Variants in RGS12 observed in about 807,000 individuals in gnomAD.
RGS12 encodes the protein regulator of G-protein signaling 12.
RGS12 carries 66 observed loss-of-function variants against 120.1 expected under a neutral mutation model. The ratio of observed to expected loss-of-function variants is 0.55; its 90% CI spans 0.45 to 0.67. The LOEUF (loss-of-function observed/expected upper bound fraction) is 0.67. Among genes scored for constraint, RGS12 ranks in the 30% least tolerant of loss-of-function variants. RGS12 has a pLI of 0.00. For missense variants in RGS12, 1,859 were observed against 1,957.7 expected, an observed-to-expected ratio of 0.95 and a Z score of 0.95; for synonymous variants, 827 against 804.7, an observed-to-expected ratio of 1.03 and a Z score of -0.47.
Position 3,428,653 on chromosome 4 carries a change from A to C in RGS12, c.3507A>C (p.Glu1169Asp), listed in dbSNP as rs1298503689. The C allele has an allele frequency of 4.4e-6, 7 of 1,603,052 alleles. No individual in the cohort carries two copies. The African/African-American group carries it at 9.4e-5, about 22-fold the overall frequency. ...ATCCCCGGCTTTCAAAGAGAGAAGA[A>C]TCTATTGCAAAGATTGGGAAAAAAA... is the stretch of plus-strand genomic sequence containing the variant. ...ARDPRLSKREESIAKIGKKKY... is the reference protein window; with the variant it reads ...ARDPRLSKREDSIAKIGKKKY... Residue 1169 changes from glutamate to aspartate, a missense_variant, in exon 16 of 18, where the codon GAA becomes GAC. Coordinates refer to ENST00000336727, the MANE Select transcript of RGS12 (RefSeq NM_001394154.1).
chr4:3,412,508 G>C (rs1039107767), intron 4 of RGS12, among the ~76,000 whole-genome samples: 4 of 152,250 alleles, frequency 2.6e-5, no homozygotes, highest in Non-Finnish European at 4.4e-5. Flanking sequence ...GCCTGGAGCT[G>C]GAGCCCATCA....
At chr4:3,358,525 G>GT (rs1022525950) in intron 3 of RGS12, among the ~76,000 whole-genome samples, 10 of 150,556 alleles carry the variant, frequency 6.6e-5, no homozygotes, top group South Asian at 2.1e-4. Flanking sequence ...TTTACTGAGT[G>GT]TTTTTTTTTA....
chr4:3,318,202 C>G (rs1184373924), intron 2 of RGS12, 151 bp downstream of exon 2: 2 of 677,104 alleles, frequency 3.0e-6, no homozygotes, highest in Non-Finnish European at 5.0e-6. Context: ...TCTGCGTTGC[C>G]TGTGGGCTGC....
intron 4 of RGS12, among the ~76,000 whole-genome samples, chr4:3,396,281 C>T (rs1397186712): frequency 6.6e-6 from 1 of 152,124 alleles, no homozygotes; most frequent in East Asian, 1.9e-4. Context: ...TTAGTGGTAT[C>T]TTGTGATGAC....
intron 3 of RGS12, among the ~76,000 whole-genome samples, chr4:3,363,524 C>T (rs1221864419): frequency 6.6e-6 from 1 of 151,920 alleles, no homozygotes; most frequent in Non-Finnish European, 1.5e-5. Flanking sequence ...AGAAGTGCAG[C>T]GGCAAGAGGC....
intron 2 of RGS12, among the ~76,000 whole-genome samples, chr4:3,330,981 G>C (rs77754271): frequency 0.039 from 5,972 of 152,294 alleles, 155 homozygotes; most frequent in African/African-American, 0.075. Flanking sequence ...AAAGGGCTGG[G>C]AGATGTAGTC....
At chr4:3,355,881 A>G (rs1378133378) in intron 3 of RGS12, among the ~76,000 whole-genome samples, 2 of 151,826 alleles carry the variant, frequency 1.3e-5, no homozygotes, top group African/African-American at 4.8e-5. Flanking sequence ...AATTAATTCA[A>G]CAAGGTTGCT....
chr4:3,369,588 C>T (rs1306077465), intron 3 of RGS12, among the ~76,000 whole-genome samples: 1 of 152,228 alleles, frequency 6.6e-6, no homozygotes, highest in African/African-American at 2.4e-5. Flanking sequence ...GCCCATGCTG[C>T]ATGATTTTGA....
chr4:3,320,871 G>A (rs1218770835), intron 2 of RGS12, among the ~76,000 whole-genome samples: 1 of 152,190 alleles, frequency 6.6e-6, no homozygotes, highest in Non-Finnish European at 1.5e-5. Context: ...GCCCCACCTG[G>A]ACGCTGGCCT....
intron 1 of RGS12, among the ~76,000 whole-genome samples, chr4:3,300,026 G>A (rs1276771592): frequency 2.6e-5 from 4 of 152,238 alleles, no homozygotes; most frequent in African/African-American, 9.6e-5. Context: ...GCTGCAGTTT[G>A]TCTATAAAAT....
rs757235370 is a variant in RGS12 at position 3,439,670 on chromosome 4, G to A, written c.4330G>A (p.Ala1444Thr). ...PAKPKTSAHH[A>T]TFV Reference sequence around the variant, plus strand: ...TAAGCCCAAGACCAGCGCTCACCACGCCACCTTCGTCTGAGCTGCCCTGGC... The same window carrying A: ...TAAGCCCAAGACCAGCGCTCACCACACCACCTTCGTCTGAGCTGCCCTGGC... The change falls in exon 18 of 18, where the codon GCC becomes ACC. Residue 1444 changes from alanine (A) to threonine (T), a missense_variant. Coordinates refer to ENST00000336727, the MANE Select transcript of RGS12 (RefSeq NM_001394154.1). The A allele has an allele frequency of 3.3e-6, 5 of 1,537,514 alleles. No individual in the cohort carries two copies. The highest frequency in any genetic ancestry group is 4.4e-6 in the Non-Finnish European group (5 of 1,141,956).
intron 3 of RGS12, among the ~76,000 whole-genome samples, chr4:3,383,251 G>T (rs192204792): frequency 7.9e-4 from 120 of 152,162 alleles, no homozygotes; most frequent in Non-Finnish European, 1.3e-3. Flanking sequence ...TTCCCCCTCT[G>T]TTCCTTCCTC....
chr4:3,410,387 T>C (rs911156711), intron 4 of RGS12, among the ~76,000 whole-genome samples: 11 of 152,196 alleles, frequency 7.2e-5, no homozygotes, highest in African/African-American at 2.7e-4. Context: ...TTTAAATAGG[T>C]AGTATGTGCC....
In RGS12 at chr4:3,374,177, G is replaced by A. The variant is rs1378347779; in HGVS notation, c.1999-12239G>A. 6.6e-6 allele frequency among the ~76,000 whole-genome samples: 1 copy of A among 152,208 alleles called. No individual in the cohort carries two copies. Among genetic ancestry groups the A allele is most frequent in the Non-Finnish European group, 1.5e-5 (1 of 68,022 alleles). On this transcript the variant is annotated intron_variant, in intron 3 of 17. Coordinates refer to ENST00000336727, the MANE Select transcript of RGS12 (RefSeq NM_001394154.1). The surrounding 1 kb of genome is among the most constrained non-coding windows in gnomAD (Gnocchi z 6.3). ...GAGGCTGGTTGAGGTTCCTTGCAAC[G>A]CTTGCCATCCTACGCATGATGCAGG...
At chr4:3,420,801 C>T (rs78606726) in intron 10 of RGS12, 83 bp downstream of exon 10, 18,794 of 1,185,648 alleles carry the variant, frequency 0.016, 244 homozygotes, top group African/African-American at 0.054. Flanking sequence ...CCATGGAAAC[C>T]TGTGTTTACA....
At chr4:3,406,250 G>A (rs1167245900) in intron 4 of RGS12, among the ~76,000 whole-genome samples, 1 of 152,228 alleles carries the variant, frequency 6.6e-6, no homozygotes, top group Non-Finnish European at 1.5e-5. Flanking sequence ...TGCCTGGGCC[G>A]CCCTGTGAAT....
intron 16 of RGS12, 103 bp downstream of exon 16, chr4:3,428,814 G>A (rs538632574): frequency 2.8e-5 from 28 of 1,018,086 alleles, no homozygotes; most frequent in Admixed American, 1.7e-4. Flanking sequence ...GGGTGACTGC[G>A]GTCCGTCCCT....
At chr4:3,309,129 CT>C (rs1724148371) in intron 1 of RGS12, among the ~76,000 whole-genome samples, 3 of 93,488 alleles carry the variant, frequency 3.2e-5, no homozygotes, top group Non-Finnish European at 6.4e-5. Flanking sequence ...GGAGCTGGGA[CT>C]CGGGAATGGC....
intron 4 of RGS12, among the ~76,000 whole-genome samples, chr4:3,410,980 G>A (rs1411646131): frequency 6.6e-6 from 1 of 152,218 alleles, no homozygotes; most frequent in East Asian, 1.9e-4. Context: ...TTTCCCTACT[G>A]AGATTTGCGC....
Sources: allele counts gnomAD v4.1 joint callset (sites outside exome capture counted in the v4.1 genomes callset), GRCh38; gene constraint gnomAD v4.1.1; non-coding constraint Gnocchi (gnomAD v3.1); transcripts MANE v1.5; gene names NCBI Gene and HGNC (gene_info 2026-07-23, HGNC 2026-07-21).